Variants in GTF2E2 observed in about 807,000 individuals in gnomAD.
GTF2E2 encodes the protein general transcription factor IIE subunit 2, also known as transcription initiation factor IIE subunit beta.
A neutral mutation model predicts 40.5 loss-of-function variants in GTF2E2; 21 were observed. The observed-to-expected ratio is 0.52, with a 90% confidence interval of 0.37 to 0.75. GTF2E2 has a LOEUF of 0.75. GTF2E2 is among the 30% of genes least tolerant of loss of function. The probability of loss-of-function intolerance (pLI) is 0.00; values close to 1 mark genes in which losing one functional copy is unlikely to be tolerated. For missense variants in GTF2E2, 298 were observed against 338.4 expected (o/e 0.88, Z 0.94); for synonymous variants, 117 against 121.6 (o/e 0.96, Z 0.25).
chr8:30,603,252 C>A (rs1226350774), intron 6 of GTF2E2, among the ~76,000 whole-genome samples: 1 of 152,012 alleles, frequency 6.6e-6, no homozygotes, highest in African/African-American at 2.4e-5. Context: ...AATAAAAAGA[C>A]AACAGAGGAT....
rs1375453331 is a variant in GTF2E2 at position 30,645,664 on chromosome 8, C to A, written c.166+7769G>T. 195 of 1,402,390 alleles carry A rather than the reference C, an allele frequency of 1.4e-4. No homozygotes were observed. The South Asian group carries it at 2.6e-3, about 19-fold the overall frequency. The allele number at this position is 1,402,390 out of a possible 1,614,324, so 86.9% of individuals were successfully genotyped here. On this transcript the variant is annotated intron_variant, in intron 2 of 7. Coordinates refer to ENST00000355904, the MANE Select transcript of GTF2E2 (RefSeq NM_002095.6). ...CCTCTTCTGAGAAAAAAAATATATT[C>A]TGAGGCCAACTGTTGCTACAAAACA...
intron 2 of GTF2E2, among the ~76,000 whole-genome samples, chr8:30,641,774 G>A (rs1403305138): frequency 1.3e-5 from 2 of 152,176 alleles, no homozygotes; most frequent in African/African-American, 4.8e-5. Context: ...CTATTCGGGA[G>A]GCTGAGGCAG....
chr8:30,641,604 G>C (rs2978262), intron 2 of GTF2E2, among the ~76,000 whole-genome samples: 2 of 152,052 alleles, frequency 1.3e-5, no homozygotes, highest in African/African-American at 4.8e-5. Context: ...GGCCAGGCGC[G>C]GTGGCTCATG....
intron 1 of GTF2E2, among the ~76,000 whole-genome samples, chr8:30,653,961 T>C (rs1379180273): frequency 1.3e-5 from 2 of 151,832 alleles, no homozygotes; most frequent in Non-Finnish European, 2.9e-5. Context: ...TGGTGATGTG[T>C]GCTTACAGTC....
intron 6 of GTF2E2, among the ~76,000 whole-genome samples, chr8:30,587,341 AGGTGG>A (rs1828711269): frequency 2.0e-5 from 3 of 152,092 alleles, no homozygotes; most frequent in African/African-American, 2.4e-5. Flanking sequence ...TCAGCCTGGG[AGGTGG>A]AGGCTGCAGT....
intron 4 of GTF2E2, among the ~76,000 whole-genome samples, chr8:30,614,355 G>A (rs1031473776): frequency 1.4e-4 from 21 of 152,184 alleles, no homozygotes; most frequent in African/African-American, 4.8e-4. Context: ...CGAGGTGGGC[G>A]GATCACTTGA....
chr8:30,612,370 G>A lies in GTF2E2; in HGVS notation c.478C>T (p.Gln160Ter), dbSNP rs1829499951. 2 of 1,612,520 alleles carry A rather than the reference G, an allele frequency of 1.2e-6. No individual in the cohort carries two copies. Among genetic ancestry groups the A allele is most frequent in the Admixed American group, 1.7e-5 (1 of 59,970 alleles). ...AAAAGAATTCCTCCTAATCCTCGCT[G>A]GTCATGCTGATCTAAGAGCCTAAGT... Reference protein sequence around the residue: ...ALLRLLDQHDQRGLGGILLED... With the variant: ...ALLRLLDQHD The change falls in exon 5 of 8, where the codon CAG (glutamine) becomes TAG (stop). Residue 160 changes from glutamine (Q) to a stop codon, truncating the protein, a stop_gained. Coordinates refer to ENST00000355904, the MANE Select transcript of GTF2E2 (RefSeq NM_002095.6). LOFTEE classifies it high-confidence loss of function.
chr8:30,630,150 T>C (rs1376722670), intron 3 of GTF2E2, among the ~76,000 whole-genome samples: 1 of 152,198 alleles, frequency 6.6e-6, no homozygotes, highest in Non-Finnish European at 1.5e-5. Context: ...ACCAGGTCAC[T>C]GAACATAATT....
At chr8:30,630,784 C>T (rs1801417337) in intron 3 of GTF2E2, among the ~76,000 whole-genome samples, 1 of 152,110 alleles carries the variant, frequency 6.6e-6, no homozygotes, top group South Asian at 2.1e-4. Context: ...TACTGGGCTT[C>T]TTGTCTTTTC....
intron 6 of GTF2E2, chr8:30,596,800 T>C (rs536157323): frequency 6.6e-6 from 1 of 152,326 alleles, no homozygotes; most frequent in South Asian, 2.1e-4. Flanking sequence ...AGATCTTTAG[T>C]GTGTGGAGGT....
intron 5 of GTF2E2, among the ~76,000 whole-genome samples, chr8:30,611,726 G>A (rs1024929022): frequency 6.6e-6 from 1 of 152,208 alleles, no homozygotes. Flanking sequence ...AGAGACAAAG[G>A]GGCAAGTTTT....
chr8:30,600,971 G>C (rs1432753423), intron 6 of GTF2E2, among the ~76,000 whole-genome samples: 1 of 152,198 alleles, frequency 6.6e-6, no homozygotes, highest in Non-Finnish European at 1.5e-5. Context: ...AGCATTCTGA[G>C]GCTAGAGATG....
At position 30,627,501 on chromosome 8, in the gene GTF2E2, C is replaced by T. The variant is rs560487070; in HGVS notation, c.258+7531G>A. 4.3e-5 allele frequency among the ~76,000 whole-genome samples: 6 copies of T among 140,130 alleles called. No homozygotes were observed. In the South Asian group the frequency reaches 1.2e-3, roughly 28 times the overall value. 91.9% of individuals were successfully genotyped at this position (140,130 alleles called of 152,430 possible). A position where few individuals can be genotyped will look rare whatever the true frequency, so the allele number is the denominator to read the frequency against. On this transcript the variant is annotated intron_variant, in intron 3 of 7. Transcript: ENST00000355904. ...GGACATCGCTTTTTTCAGAGAGGTA[C>T]TAGCAGCAAAAATCCTCGGAAATGA... is the stretch of plus-strand genomic sequence containing the variant.
At chr8:30,620,095 C>T (rs1276698572) in intron 3 of GTF2E2, among the ~76,000 whole-genome samples, 4 of 151,956 alleles carry the variant, frequency 2.6e-5, no homozygotes, top group African/African-American at 9.7e-5. Flanking sequence ...GGAACCAAAC[C>T]TGCCTATACT....
chr8:30,602,173 A>C (rs376695796), intron 6 of GTF2E2, among the ~76,000 whole-genome samples: 1 of 152,030 alleles, frequency 6.6e-6, no homozygotes, highest in Admixed American at 6.6e-5. Context: ...ACGCACCAGC[A>C]TGTCCGGCTA....
At position 30,578,957 on chromosome 8, in the gene GTF2E2, C is replaced by G; in HGVS notation, c.840G>C (p.Val280=). The G allele has an allele frequency of 6.2e-7, 1 of 1,604,354 alleles. No individual in the cohort carries two copies. The highest frequency in any genetic ancestry group is 1.1e-5 in the South Asian group (1 of 90,860). Reference sequence around the variant, plus strand: ...AAGTAATGTCAGAGTAATCCTTCAGCACTCCAGCCAAGTGTTCGTTATGAG... The same window carrying G: ...AAGTAATGTCAGAGTAATCCTTCAGGACTCCAGCCAAGTGTTCGTTATGAG... The part of the protein sequence containing the change: ...FKTHNEHLAG[V]LKDYSDITSS... The change falls in exon 8 of 8, where the codon GTG becomes GTC. Residue 280 remains valine (V), a synonymous_variant. Transcript: ENST00000355904.
intron 4 of GTF2E2, among the ~76,000 whole-genome samples, chr8:30,614,344 C>A (rs1331654644): frequency 6.6e-6 from 1 of 152,144 alleles, no homozygotes; most frequent in Non-Finnish European, 1.5e-5. Context: ...CTCTGGGAGG[C>A]CGAGGTGGGC....
chr8:30,589,451 T>C (rs1446971456), intron 6 of GTF2E2, among the ~76,000 whole-genome samples: 1 of 152,134 alleles, frequency 6.6e-6, no homozygotes, highest in Admixed American at 6.5e-5. Context: ...TAGTCCCAGC[T>C]AAGAGACTGA....
At chr8:30,645,515 C>A (rs892883845) in intron 2 of GTF2E2, 2 of 1,535,648 alleles carry the variant, frequency 1.3e-6, no homozygotes, top group Admixed American at 3.9e-5. Context: ...AAAAACAAAA[C>A]CGTGAAAGAC....
Sources: gnomAD v4.1 joint callset for allele counts (sites outside exome capture counted in the v4.1 genomes callset) on GRCh38, gnomAD v4.1.1 for gene constraint, MANE v1.5 for transcripts, NCBI Gene and HGNC (gene_info 2026-07-23, HGNC 2026-07-21) for gene names.